The following TENM3 variants were observed in gnomAD, a reference collection of about 807,000 sequenced individuals.
The protein encoded by TENM3 is teneurin-3.
TENM3 carries 63 observed loss-of-function variants against 255.1 expected under a neutral mutation model. That is an observed-to-expected ratio of 0.25 (90% CI 0.20 to 0.30). The LOEUF (loss-of-function observed/expected upper bound fraction) is 0.30. TENM3 is among the 10% of genes least tolerant of loss of function. The probability of loss-of-function intolerance (pLI) is 1.00; values close to 1 mark genes in which losing one functional copy is unlikely to be tolerated. For missense variants in TENM3, 2,929 were observed against 3,461.1 expected, an observed-to-expected ratio of 0.85 and a Z score of 3.86; for synonymous variants, 1,306 against 1,322.3, an observed-to-expected ratio of 0.99 and a Z score of 0.27.
chr4:181,956,710 T>C, the TENM3 span, among the ~76,000 whole-genome samples: 1 of 152,170 alleles, frequency 6.6e-6, no homozygotes, highest in Non-Finnish European at 1.5e-5. Flanking sequence ...AGGCTAAAAA[T>C]TTATTGGGGA....
intron 7 of TENM3, among the ~76,000 whole-genome samples, chr4:182,675,032 A>G (rs1755553624): frequency 1.3e-5 from 2 of 151,772 alleles, no homozygotes; most frequent in Admixed American, 6.6e-5. Flanking sequence ...GTGCACCACT[A>G]TGCCCAGCTA....
chr4:182,211,270 G>C (rs1054448078), intron 1 of TENM3, among the ~76,000 whole-genome samples: 1 of 152,132 alleles, frequency 6.6e-6, no homozygotes, highest in Non-Finnish European at 1.5e-5. Context: ...TGCATTACAC[G>C]CATTGTTTTT....
At chr4:181,639,727 C>A in the TENM3 span, among the ~76,000 whole-genome samples, 1 of 152,092 alleles carries the variant, frequency 6.6e-6, no homozygotes, top group Non-Finnish European at 1.5e-5. Context: ...GGGACAAGAG[C>A]AAGACTTATT....
the TENM3 span, among the ~76,000 whole-genome samples, chr4:182,053,970 G>C: frequency 1.3e-5 from 2 of 152,084 alleles, no homozygotes; most frequent in Non-Finnish European, 1.5e-5. Context: ...TCTTCCTCCC[G>C]AGTCTGTAGG....
the TENM3 span, among the ~76,000 whole-genome samples, chr4:181,553,208 G>C: frequency 6.6e-6 from 1 of 151,154 alleles, no homozygotes; most frequent in South Asian, 2.1e-4. Flanking sequence ...GAAAATTTTA[G>C]AGTACATTTA....
chr4:181,494,739 T>C, the TENM3 span, among the ~76,000 whole-genome samples: 3 of 152,170 alleles, frequency 2.0e-5, no homozygotes, highest in African/African-American at 7.2e-5. Context: ...GACTTCCAGT[T>C]TGTCACCGTA....
chr4:181,934,628 C>T, the TENM3 span, among the ~76,000 whole-genome samples: 1 of 152,042 alleles, frequency 6.6e-6, no homozygotes, highest in Non-Finnish European at 1.5e-5. Flanking sequence ...GGATTTTTAG[C>T]ATAACTTCAA....
rs190471982 is a variant in TENM3, at chr4:182,225,580, C to T, written c.-76+80826C>T. On this transcript the variant is annotated intron_variant, in intron 1 of 2. Transcript: ENST00000512480. ...GCTGGAACCATGGGGAAGTGACTGA[C>T]GACAGCGGGAGATGAACACAAAATG... Among the ~76,000 whole-genome samples, 477 of 152,162 alleles carry T rather than the reference C, an allele frequency of 3.1e-3. 5 individuals are homozygous for T. Among genetic ancestry groups the T allele is most frequent in the African/African-American group, 0.011 (448 of 41,500 alleles).
At chr4:182,317,040 T>A (rs1350772819) in intron 1 of TENM3, among the ~76,000 whole-genome samples, 1 of 152,200 alleles carries the variant, frequency 6.6e-6, no homozygotes, top group Non-Finnish European at 1.5e-5. Flanking sequence ...GTCTTTTTGT[T>A]GTTATGTTTT....
At chr4:181,721,115 A>G in the TENM3 span, among the ~76,000 whole-genome samples, 15 of 152,112 alleles carry the variant, frequency 9.9e-5, no homozygotes, top group Non-Finnish European at 2.2e-4. Context: ...GGGTAAAAAA[A>G]AAAAGGGTCA....
At chr4:182,160,256 C>A (rs1751048738) in intron 1 of TENM3, among the ~76,000 whole-genome samples, 1 of 152,050 alleles carries the variant, frequency 6.6e-6, no homozygotes, top group South Asian at 2.1e-4. Flanking sequence ...CCCGCCTCGG[C>A]CTCCCAAAGT....
chr4:181,521,182 C>T, the TENM3 span, among the ~76,000 whole-genome samples: 38 of 152,342 alleles, frequency 2.5e-4, no homozygotes, highest in Non-Finnish European at 3.4e-4. Flanking sequence ...GAGACCCTGG[C>T]GCCCTGTCTC....
At chr4:182,650,881 T>TA (rs1230977965) in intron 5 of TENM3, among the ~76,000 whole-genome samples, 3 of 60,252 alleles carry the variant, frequency 5.0e-5, no homozygotes, top group South Asian at 6.1e-4. Context: ...TTTTCTGTAA[T>TA]AAAAAAAAAT....
the TENM3 span, among the ~76,000 whole-genome samples, chr4:182,075,505 G>A: frequency 2.0e-5 from 3 of 151,952 alleles, no homozygotes; most frequent in African/African-American, 7.2e-5. Flanking sequence ...GCCGACAGTT[G>A]GTTTTTAATA....
At chr4:181,888,562 ATATAT>A in the TENM3 span, among the ~76,000 whole-genome samples, 22 of 89,028 alleles carry the variant, frequency 2.5e-4, no homozygotes, top group African/African-American at 8.6e-4. Flanking sequence ...ATATATATAC[ATATAT>A]GTATATATAT....
the TENM3 span, among the ~76,000 whole-genome samples, chr4:181,554,276 G>A: frequency 6.6e-6 from 1 of 152,158 alleles, no homozygotes; most frequent in Non-Finnish European, 1.5e-5. Context: ...TGCGGGCGGT[G>A]TCTGCCTGAA....
chr4:182,726,560 C>G (rs1279885325), intron 13 of TENM3, among the ~76,000 whole-genome samples: 1 of 152,114 alleles, frequency 6.6e-6, no homozygotes, highest in East Asian at 1.9e-4. Context: ...GAAATTCGCT[C>G]TTGTTAGACA....
At chr4:182,485,036 A>G (rs543394993) in intron 3 of TENM3, among the ~76,000 whole-genome samples, 162 of 152,316 alleles carry the variant, frequency 1.1e-3, no homozygotes, top group African/African-American at 3.8e-3. Flanking sequence ...TTAATAATTC[A>G]AAAACTTTCA....
intron 4 of TENM3, among the ~76,000 whole-genome samples, chr4:182,622,645 A>C (rs962512512): frequency 6.6e-6 from 1 of 152,202 alleles, no homozygotes; most frequent in African/African-American, 2.4e-5. Flanking sequence ...TGGTTTTTAT[A>C]ATTTCCAGCC....
Sources: gnomAD v4.1 joint callset for allele counts (sites outside exome capture counted in the v4.1 genomes callset) on GRCh38, gnomAD v4.1.1 for gene constraint, MANE v1.5 for transcripts, NCBI Gene and HGNC (gene_info 2026-07-23, HGNC 2026-07-21) for gene names.